Variants in MRPS16 observed in about 807,000 individuals in gnomAD.
MRPS16 encodes small ribosomal subunit protein bS16m.
In MRPS16, 5 loss-of-function variants were observed where a neutral mutation model predicts 11.0. That is an observed-to-expected ratio of 0.46 (90% CI 0.24 to 0.96). The LOEUF is 0.96. Ranked by LOEUF, MRPS16 falls within the 40% of genes least tolerant of loss-of-function variation. The pLI, the probability that MRPS16 is intolerant of heterozygous loss-of-function variation, is 0.20. For missense variants in MRPS16, 179 were observed against 174.4 expected (o/e 1.03, Z -0.15); for synonymous variants, 76 against 65.0 (o/e 1.17, Z -0.81).
At position 73,250,760 on chromosome 10, in the gene MRPS16, G is replaced by T; in HGVS notation, c.*92C>A. 6.5e-7 allele frequency: 1 copy of T among 1,536,776 alleles called. No individual in the cohort carries two copies. Among genetic ancestry groups the T allele is most frequent in the Non-Finnish European group, 8.9e-7 (1 of 1,122,110 alleles). On this transcript the variant is annotated 3_prime_UTR_variant, in exon 3 of 3. Transcript: ENST00000372945. ...GGCAACTCAGGATACTCCATTTATT[G>T]AACTCCAAATCTAACAAAATTAAGA...
rs2044135981 is a variant in MRPS16, at chr10:73,252,558, GAACA to G, written c.-80_-77del. The G allele has an allele frequency of 9.5e-6, 15 of 1,580,236 alleles. No homozygotes were observed. Among genetic ancestry groups the G allele is most frequent in the Non-Finnish European group, 1.3e-5 (15 of 1,168,084 alleles). ...AGCTCTACGGCCTTGGCAGGGCAGA[GAACA>G]AACACAGAAAGAACCTGCAAGCCGA... On this transcript the variant is annotated 5_prime_UTR_variant, in exon 1 of 3. Coordinates refer to ENST00000372945, the MANE Select transcript of MRPS16 (RefSeq NM_016065.4).
Position 73,249,200 on chromosome 10 carries a change from G to A in MRPS16, c.*1652C>T. ...CCCAAAGTGCTGAGATTACAGGTGTGAGCCACTGCCCCAATGGTATCTTTA... is the reference window on the plus strand; with the variant it reads ...CCCAAAGTGCTGAGATTACAGGTGTAAGCCACTGCCCCAATGGTATCTTTA... On this transcript the variant is annotated 3_prime_UTR_variant, in exon 3 of 3. Transcript: ENST00000372945. 1 of 1,318,672 alleles carries A rather than the reference G, an allele frequency of 7.6e-7. No individual in the cohort carries two copies. The highest frequency in any genetic ancestry group is 2.5e-5 in the East Asian group (1 of 39,732). The allele number at this position is 1,318,672 out of a possible 1,614,324, so 81.7% of individuals were successfully genotyped here. A position where few individuals can be genotyped will look rare whatever the true frequency, so the allele number is the denominator to read the frequency against.
intron 2 of MRPS16, 24 bp downstream of exon 2, chr10:73,251,739 A>G: frequency 6.2e-7 from 1 of 1,613,956 alleles, no homozygotes; most frequent in African/African-American, 1.3e-5. Flanking sequence ...TCCCCTCAAT[A>G]AGGTAAGACC....
rs776136128 is a variant in MRPS16, at chr10:73,251,860, G to C, written c.177C>G (p.Asn59Lys). Reference sequence around the variant, plus strand: ...GGGCAACGAGTTTTTCTCCATGACTGTTGGGCAATGGATCATAGGAGCCCA... The same window carrying C: ...GGGCAACGAGTTTTTCTCCATGACTCTTGGGCAATGGATCATAGGAGCCCA... ...EQLGSYDPLP[N>K]SHGEKLVALN... The change falls in exon 2 of 3, where the codon AAC (asparagine) becomes AAG (lysine). Residue 59 changes from asparagine to lysine, a missense_variant. Physicochemically the swap from Asn to Lys is moderately conservative, Grantham distance 94. Transcript: ENST00000372945. 58 of 1,614,074 alleles carry C rather than the reference G, an allele frequency of 3.6e-5. No individual in the cohort carries two copies. Among genetic ancestry groups the C allele is most frequent in the Admixed American group, 5.0e-5 (3 of 60,006 alleles).
rs1325335283 is a variant in MRPS16, at chr10:73,252,474, G to A, written c.9C>T (p.His3=). 2 of 1,608,958 alleles carry A rather than the reference G, an allele frequency of 1.2e-6. No individual in the cohort carries two copies. Among genetic ancestry groups the A allele is most frequent in the South Asian group, 1.1e-5 (1 of 91,052 alleles). Residue 3 remains histidine, a synonymous_variant, in exon 1 of 3, where the codon CAC becomes CAT. Coordinates refer to ENST00000372945, the MANE Select transcript of MRPS16 (RefSeq NM_016065.4). MV[H]LTTLLCKAYR... ...CGCGGTGGCCCGATGACTCACTGAG[G>A]TGGACCATGGTGCCGCCGGCGTGCG... is the stretch of plus-strand genomic sequence containing the variant.
rs780310312 is a variant in MRPS16, at chr10:73,251,934, C to G, written c.103G>C (p.Val35Leu). 6.2e-7 allele frequency: 1 copy of G among 1,614,206 alleles called. No individual in the cohort carries two copies. The highest frequency in any genetic ancestry group is 1.7e-5 in the Admixed American group (1 of 60,028). ...CTGGGACACTTGTTGTGAGCAGCCACAATGCGGTAGAACGGCCGATTGGTG... is the reference window on the plus strand; with the variant it reads ...CTGGGACACTTGTTGTGAGCAGCCAGAATGCGGTAGAACGGCCGATTGGTG... ...GCTNRPFYRI[V>L]AAHNKCPRDG... is the part of the protein sequence containing the mutation. Residue 35 changes from valine (V) to leucine (L), a missense_variant, in exon 2 of 3, where the codon GTG (valine) becomes CTG (leucine). By Grantham distance (32) the Val-to-Leu change is conservative. Transcript: ENST00000372945.
intron 2 of MRPS16, among the ~76,000 whole-genome samples, chr10:73,251,542 ATTTT>A (rs113802791): frequency 2.8e-4 from 41 of 147,894 alleles, no homozygotes; most frequent in Non-Finnish European, 4.1e-4. Flanking sequence ...CGCCCAACTA[ATTTT>A]TTTTTTTTAT....
chr10:73,251,073 T>G, intron 2 of MRPS16, 82 bp from the exon 3 acceptor site: 1 of 1,522,904 alleles, frequency 6.6e-7, no homozygotes, highest in Non-Finnish European at 9.1e-7. Context: ...AGAACTGAGG[T>G]CTGAGATCTG....
intron 2 of MRPS16, among the ~76,000 whole-genome samples, chr10:73,251,323 C>T (rs1245971049): frequency 6.6e-6 from 1 of 152,138 alleles, no homozygotes; most frequent in Non-Finnish European, 1.5e-5. Context: ...CCAATTAGAT[C>T]ACAACTTCAG....
rs549047626 is a variant in MRPS16, at chr10:73,252,563, A to C, written c.-81T>G. 1.3e-5 allele frequency: 21 copies of C among 1,574,098 alleles called. No homozygotes were observed. Among genetic ancestry groups the C allele is most frequent in the Middle Eastern group, 3.3e-4 (2 of 6,038 alleles). On this transcript the variant is annotated 5_prime_UTR_variant, in exon 1 of 3. Transcript: ENST00000372945. The stretch of plus-strand genomic sequence containing the variant: ...TACGGCCTTGGCAGGGCAGAGAACA[A>C]ACACAGAAAGAACCTGCAAGCCGAC...
At position 73,252,567 on chromosome 10, in the gene MRPS16, CAGAA is replaced by C. The variant is rs2044136310; in HGVS notation, c.-89_-86del. On this transcript the variant is annotated 5_prime_UTR_variant, in exon 1 of 3. Coordinates refer to ENST00000372945, the MANE Select transcript of MRPS16 (RefSeq NM_016065.4). ...GCCTTGGCAGGGCAGAGAACAAACACAGAAAGAACCTGCAAGCCGACACCAGGCC... is the reference window on the plus strand; with the variant it reads ...GCCTTGGCAGGGCAGAGAACAAACACAGAACCTGCAAGCCGACACCAGGCC... 2 of 1,561,904 alleles carry C rather than the reference CAGAA, an allele frequency of 1.3e-6. No homozygotes were observed. The highest frequency in any genetic ancestry group is 1.3e-5 in the African/African-American group (1 of 74,108).
chr10:73,252,554 C>A lies in MRPS16; in HGVS notation c.-72G>T. On this transcript the variant is annotated 5_prime_UTR_variant, in exon 1 of 3. Transcript: ENST00000372945. ...CACCAGCTCTACGGCCTTGGCAGGG[C>A]AGAGAACAAACACAGAAAGAACCTG... 6.3e-7 allele frequency: 1 copy of A among 1,586,626 alleles called. No individual in the cohort carries two copies. The highest frequency in any genetic ancestry group is 2.3e-5 in the East Asian group (1 of 44,140).
At position 73,250,641 on chromosome 10, in the gene MRPS16, T is replaced by C; in HGVS notation, c.*211A>G. The stretch of plus-strand genomic sequence containing the variant: ...AGCCACTGTCTATCCCAAGACAAAG[T>C]CGAAAAAAGCTAATTAGTACCCACA... On this transcript the variant is annotated 3_prime_UTR_variant, in exon 3 of 3. Transcript: ENST00000372945. The C allele has an allele frequency of 1.7e-6, 1 of 600,650 alleles. No homozygotes were observed. The highest frequency in any genetic ancestry group is 2.9e-5 in the Admixed American group (1 of 34,218). The allele number at this position is 600,650 out of a possible 1,614,324, so 37.2% of individuals were successfully genotyped here.
In MRPS16 at chr10:73,250,935, G is replaced by T. The variant is rs104894168; in HGVS notation, c.331C>A (p.Arg111=). 4.3e-6 allele frequency: 7 copies of T among 1,613,966 alleles called. No homozygotes were observed. The highest frequency in any genetic ancestry group is 5.9e-6 in the Non-Finnish European group (7 of 1,180,012). The stretch of plus-strand genomic sequence containing the variant: ...AGGACTTCACGTGCCCGTTTCCTTC[G>T]CAGTCTCTCAGCATTTGTGATCATC... ...PMMITNAERL[R]RKRAREVLLA... The change falls in exon 3 of 3, where the codon CGA becomes AGA. Residue 111 remains arginine (R), a synonymous_variant. Coordinates refer to ENST00000372945, the MANE Select transcript of MRPS16 (RefSeq NM_016065.4).
rs980773582 is a variant in MRPS16 at position 73,249,798 on chromosome 10, C to T, written c.*1054G>A. 2.6e-5 allele frequency: 4 copies of T among 153,658 alleles called. No homozygotes were observed. The highest frequency in any genetic ancestry group is 7.2e-5 in the African/African-American group (3 of 41,468). The allele number at this position is 153,658 out of a possible 1,614,324, so 9.5% of individuals were successfully genotyped here. On this transcript the variant is annotated 3_prime_UTR_variant, in exon 3 of 3. Coordinates refer to ENST00000372945, the MANE Select transcript of MRPS16 (RefSeq NM_016065.4). ...GTATATTTAAGAATATGCATTAAGG[C>T]TAGGAGTGGTGGCTCACGCCAGTAA...
At position 73,251,991 on chromosome 10, in the gene MRPS16, G is replaced by A. The variant is rs1320300643; in HGVS notation, c.46C>T (p.His16Tyr). The A allele has an allele frequency of 6.2e-7, 1 of 1,613,986 alleles. No homozygotes were observed. Among genetic ancestry groups the A allele is most frequent in the African/African-American group, 1.3e-5 (1 of 74,912 alleles). ...TLLCKAYRGG[H>Y]LTIRLALGGC... ...CCCAGGGCAAGGCGGATGGTTAAGT[G>A]GCCCCCACGGTAGGCCTTGCAGAGG... Residue 16 changes from histidine to tyrosine, a missense_variant, in exon 2 of 3, where the codon CAC becomes TAC. By Grantham distance (83) the His-to-Tyr change is moderately conservative (BLOSUM62 2). Coordinates refer to ENST00000372945, the MANE Select transcript of MRPS16 (RefSeq NM_016065.4).
chr10:73,248,850 C>T lies in MRPS16; in HGVS notation c.*2002G>A, dbSNP rs890285172. 3.1e-6 allele frequency: 1 copy of T among 327,420 alleles called. No individual in the cohort carries two copies. Among genetic ancestry groups the T allele is most frequent in the Middle Eastern group, 4.0e-4 (1 of 2,474 alleles). The allele number at this position is 327,420 out of a possible 1,614,324, so 20.3% of individuals were successfully genotyped here. Reference sequence around the variant, plus strand: ...TACATTTGCTACGGAAAATTGAAATCGCACACTGAAATATCCTTTTATTGC... The same window carrying T: ...TACATTTGCTACGGAAAATTGAAATTGCACACTGAAATATCCTTTTATTGC... On this transcript the variant is annotated 3_prime_UTR_variant, in exon 3 of 3. Transcript: ENST00000372945.
Position 73,252,323 on chromosome 10 carries a change from A to T in MRPS16, c.13+147T>A, listed in dbSNP as rs2044127290. On this transcript the variant is annotated intron_variant, in intron 1 of 2. Coordinates refer to ENST00000372945, the MANE Select transcript of MRPS16 (RefSeq NM_016065.4). ...TTCAGCGGTGATTAAGTGGGGAAAA[A>T]ACTGAGAGAAGGATCAAATGTAAGG... The T allele has an allele frequency of 1.8e-5, 23 of 1,287,626 alleles. No individual in the cohort carries two copies. The South Asian group carries it at 2.4e-4, about 13-fold the overall frequency. The allele number at this position is 1,287,626 out of a possible 1,614,324, so 79.8% of individuals were successfully genotyped here. A position where few individuals can be genotyped will look rare whatever the true frequency, so the allele number is the denominator to read the frequency against.
At position 73,249,373 on chromosome 10, in the gene MRPS16, T is replaced by C. The variant is rs2044054696; in HGVS notation, c.*1479A>G. 2 of 1,467,192 alleles carry C rather than the reference T, an allele frequency of 1.4e-6. No individual in the cohort carries two copies. Among genetic ancestry groups the C allele is most frequent in the Non-Finnish European group, 1.9e-6 (2 of 1,076,400 alleles). 90.9% of individuals were successfully genotyped at this position (1,467,192 alleles called of 1,614,324 possible). ...GTAGAACTAAAGTATACTGAAGTTA[T>C]TCAAATACATTCAAACTATAAAGAT... On this transcript the variant is annotated 3_prime_UTR_variant, in exon 3 of 3. Coordinates refer to ENST00000372945, the MANE Select transcript of MRPS16 (RefSeq NM_016065.4).
Sources: gnomAD v4.1 joint callset for allele counts (sites outside exome capture counted in the v4.1 genomes callset) on GRCh38, gnomAD v4.1.1 for gene constraint, MANE v1.5 for transcripts, NCBI Gene and HGNC (gene_info 2026-07-23, HGNC 2026-07-21) for gene names.